DCDC1: variants seen among roughly 807,000 people sequenced by gnomAD.
DCDC1 encodes the protein doublecortin domain containing 1, also known as doublecortin domain-containing protein 1.
Under a neutral mutation model 178.3 loss-of-function variants are expected in DCDC1, and 200 were observed. The ratio of observed to expected loss-of-function variants is 1.12; its 90% CI spans 1.00 to 1.26. The LOEUF is 1.26. DCDC1 is among the 50% of genes most tolerant of loss of function. The probability of loss-of-function intolerance (pLI) is 0.00; values close to 1 mark genes in which losing one functional copy is unlikely to be tolerated. For missense variants in DCDC1, 1,983 were observed against 1,749.2 expected, an observed-to-expected ratio of 1.13 and a Z score of -2.38; for synonymous variants, 690 against 604.8, an observed-to-expected ratio of 1.14 and a Z score of -2.07.
chr11:31,016,557 G>A (rs1455636923), intron 20 of DCDC1, among the ~76,000 whole-genome samples: 1 of 152,160 alleles, frequency 6.6e-6, no homozygotes, highest in Non-Finnish European at 1.5e-5. Context: ...GGGTTGCGGT[G>A]GGTGGCATCA....
intron 6 of DCDC1, among the ~76,000 whole-genome samples, chr11:31,305,214 C>T (rs951906063): frequency 1.3e-5 from 2 of 151,942 alleles, no homozygotes; most frequent in East Asian, 1.9e-4. Flanking sequence ...TGAAAAAAGA[C>T]CAAGAGTGTA....
intron 9 of DCDC1, among the ~76,000 whole-genome samples, chr11:31,201,471 G>C (rs1048705676): frequency 6.6e-6 from 1 of 151,908 alleles, no homozygotes; most frequent in Non-Finnish European, 1.5e-5. Flanking sequence ...GTGATATTCA[G>C]ATCAGGAAGA....
chr11:30,875,820 T>C (rs1942066025), intron 38 of DCDC1, among the ~76,000 whole-genome samples: 1 of 152,208 alleles, frequency 6.6e-6, no homozygotes. Context: ...CCTTCAAAGC[T>C]ACCTTTGCAT....
chr11:31,205,804 A>G (rs1379601593), intron 9 of DCDC1, among the ~76,000 whole-genome samples: 2 of 152,340 alleles, frequency 1.3e-5, no homozygotes, highest in East Asian at 3.9e-4. Context: ...AATTTTCAAT[A>G]TAAGTATGTC....
chr11:31,062,353 T>C (rs1955978593), intron 20 of DCDC1, among the ~76,000 whole-genome samples: 2 of 151,996 alleles, frequency 1.3e-5, no homozygotes, highest in South Asian at 2.1e-4. Context: ...GTTTCTTGAG[T>C]TTCTATTTTA....
rs34030732 is a variant in DCDC1 at position 30,965,604 on chromosome 11, AT to A, written c.2592-13037del. On this transcript the variant is annotated intron_variant, in intron 20 of 38. Coordinates refer to ENST00000684477, the MANE Select transcript of DCDC1 (RefSeq NM_001387274.1). ...TTTGTTTGTTTGTTTTGTTTTTTTAATTTTTTTTTATTATACTCTAAGTTTT... is the reference window on the plus strand; with the variant it reads ...TTTGTTTGTTTGTTTTGTTTTTTTAATTTTTTTTATTATACTCTAAGTTTT... 3.8e-3 allele frequency among the ~76,000 whole-genome samples: 566 copies of A among 148,472 alleles called. 3 individuals carry two copies. Among genetic ancestry groups the A allele is most frequent in the African/African-American group, 0.012 (466 of 40,386 alleles).
At chr11:31,278,383 G>A (rs1946148765) in intron 7 of DCDC1, among the ~76,000 whole-genome samples, 1 of 151,964 alleles carries the variant, frequency 6.6e-6, no homozygotes, top group Non-Finnish European at 1.5e-5. Context: ...GAACCTGGAG[G>A]GCATTATGTT....
chr11:31,245,693 C>T (rs1244275009), intron 8 of DCDC1, among the ~76,000 whole-genome samples: 1 of 151,678 alleles, frequency 6.6e-6, no homozygotes, highest in Non-Finnish European at 1.5e-5. Flanking sequence ...TTTATCCTAC[C>T]TTGTCATAAA....
chr11:31,147,987 C>T (rs1342891915), intron 9 of DCDC1, among the ~76,000 whole-genome samples: 1 of 152,054 alleles, frequency 6.6e-6, no homozygotes, highest in Non-Finnish European at 1.5e-5. Flanking sequence ...AGGGGCCCAC[C>T]CCTTAGCTCG....
chr11:31,175,410 C>T (rs79680831), intron 9 of DCDC1, among the ~76,000 whole-genome samples: 3,112 of 152,330 alleles, frequency 0.02, 96 homozygotes, highest in African/African-American at 0.07. Context: ...TCCCAAGGAA[C>T]AGGGGGACCT....
intron 9 of DCDC1, among the ~76,000 whole-genome samples, chr11:31,188,658 A>G (rs1969790632): frequency 1.3e-5 from 2 of 152,196 alleles, no homozygotes; most frequent in Non-Finnish European, 2.9e-5. Context: ...ACTGACAGAT[A>G]TCAGATACAC....
chr11:31,142,891 T>C (rs1383148818), intron 9 of DCDC1, among the ~76,000 whole-genome samples: 1 of 152,146 alleles, frequency 6.6e-6, no homozygotes, highest in Non-Finnish European at 1.5e-5. Flanking sequence ...GAGCTCTTGA[T>C]TAAAATTGTA....
At chr11:31,183,239 AAGTGGACCT>A (rs1969058071) in intron 9 of DCDC1, among the ~76,000 whole-genome samples, 1 of 152,220 alleles carries the variant, frequency 6.6e-6, no homozygotes, top group Non-Finnish European at 1.5e-5. Flanking sequence ...GCTCTGGACC[AAGTGGACCT>A]AATAGACATC....
chr11:31,217,272 G>C (rs1973703160), intron 9 of DCDC1, among the ~76,000 whole-genome samples: 1 of 152,154 alleles, frequency 6.6e-6, no homozygotes, highest in Non-Finnish European at 1.5e-5. Context: ...TTGAAAATAG[G>C]TAAGTCTATT....
At chr11:31,175,676 C>T (rs182317706) in intron 9 of DCDC1, among the ~76,000 whole-genome samples, 1 of 152,330 alleles carries the variant, frequency 6.6e-6, no homozygotes, top group African/African-American at 2.4e-5. Flanking sequence ...TCCTATCAAC[C>T]TCCATGCCCA....
At chr11:31,264,175 T>C (rs2137096567) in intron 8 of DCDC1, among the ~76,000 whole-genome samples, 1 of 152,250 alleles carries the variant, frequency 6.6e-6, no homozygotes, top group South Asian at 2.1e-4. Flanking sequence ...ACTACTGGTA[T>C]TACAACAAAG....
chr11:31,108,080 G>A (rs189349644), intron 12 of DCDC1, among the ~76,000 whole-genome samples: 5 of 152,316 alleles, frequency 3.3e-5, no homozygotes, highest in Admixed American at 2.6e-4. Flanking sequence ...GGTGTCTCAC[G>A]ATTGGCTGTA....
chr11:31,041,479 C>A (rs1305945354), intron 20 of DCDC1, among the ~76,000 whole-genome samples: 1 of 152,098 alleles, frequency 6.6e-6, no homozygotes, highest in East Asian at 1.9e-4. Context: ...CACATCACAG[C>A]CCAATAAGGC....
chr11:31,034,898 A>G (rs764574866), intron 20 of DCDC1, among the ~76,000 whole-genome samples: 12 of 152,216 alleles, frequency 7.9e-5, no homozygotes, highest in Non-Finnish European at 1.6e-4. Flanking sequence ...TACATTTTAT[A>G]TACACATTAA....
Sources: gnomAD v4.1 joint callset for allele counts (sites outside exome capture counted in the v4.1 genomes callset) on GRCh38, gnomAD v4.1.1 for gene constraint, MANE v1.5 for transcripts, NCBI Gene and HGNC (gene_info 2026-07-23, HGNC 2026-07-21) for gene names.